Variants in POLR2I observed in about 807,000 individuals in gnomAD.
POLR2I encodes RNA polymerase II subunit I, also known as DNA-directed RNA polymerase II subunit RPB9.
In POLR2I, 15 loss-of-function variants were observed where a neutral mutation model predicts 23.0. The ratio of observed to expected loss-of-function variants is 0.65; its 90% CI spans 0.44 to 1.00. The LOEUF (loss-of-function observed/expected upper bound fraction) is 1.00. POLR2I is among the 50% of genes least tolerant of loss of function. The pLI is 0.00. For synonymous variants in POLR2I, 72 were observed against 65.4 expected, an observed-to-expected ratio of 1.10 and a Z score of -0.49; for missense variants, 120 against 173.7, an observed-to-expected ratio of 0.69 and a Z score of 1.74.
At position 36,114,121 on chromosome 19, in the gene POLR2I, C is replaced by T. The variant is rs1973896342; in HGVS notation, c.264-55G>A. 1.2e-6 allele frequency: 2 copies of T among 1,612,068 alleles called. No homozygotes were observed. The highest frequency in any genetic ancestry group is 1.7e-6 in the Non-Finnish European group (2 of 1,178,278). On this transcript the variant is annotated intron_variant, in intron 4 of 5. Transcript: ENST00000221859. The surrounding 1 kb of genome is among the most constrained non-coding windows in gnomAD (Gnocchi z 4.5). The stretch of plus-strand genomic sequence containing the variant: ...GCTTCACACCCTTCCCTCCTCCCTT[C>T]GCCCAGTGAGGAGACGAGCCTCACT...
In POLR2I at chr19:36,114,492, C is replaced by T. The variant is rs1599860754; in HGVS notation, c.115-80G>A. On this transcript the variant is annotated intron_variant, in intron 2 of 5. Coordinates refer to ENST00000221859, the MANE Select transcript of POLR2I (RefSeq NM_006233.5). This position sits in a 1 kb window ranked among gnomAD's most constrained non-coding sequence, Gnocchi z 4.5. ...TTGGGAGGAGAGGGCAGGGTGATCC[C>T]GGAGGATATGACGACAGGACTCTCT... 6 of 1,423,064 alleles carry T rather than the reference C, an allele frequency of 4.2e-6. No homozygotes were observed. The East Asian group carries it at 1.1e-4, about 27-fold the overall frequency. 88.2% of individuals were successfully genotyped at this position (1,423,064 alleles called of 1,614,324 possible).
At position 36,114,599 on chromosome 19, in the gene POLR2I, G is replaced by C. The variant is rs973592237; in HGVS notation, c.114+60C>G. The C allele has an allele frequency of 1.3e-6, 2 of 1,497,494 alleles. No individual in the cohort carries two copies. The highest frequency in any genetic ancestry group is 1.8e-6 in the Non-Finnish European group (2 of 1,084,032). 92.8% of individuals were successfully genotyped at this position (1,497,494 alleles called of 1,614,324 possible). A position where few individuals can be genotyped will look rare whatever the true frequency, so the allele number is the denominator to read the frequency against. On this transcript the variant is annotated intron_variant, in intron 2 of 5. Coordinates refer to ENST00000221859, the MANE Select transcript of POLR2I (RefSeq NM_006233.5). This position sits in a 1 kb window ranked among gnomAD's most constrained non-coding sequence, Gnocchi z 4.5. Reference sequence around the variant, plus strand: ...CAGGGAGTCCGATCACAGAGGCAGGGGGCAGGGCGGGGCCACGCTGGGAAC... The same window carrying C: ...CAGGGAGTCCGATCACAGAGGCAGGCGGCAGGGCGGGGCCACGCTGGGAAC...
rs1287224460 is a variant in POLR2I at position 36,114,076 on chromosome 19, T to C, written c.264-10A>G. The C allele has an allele frequency of 8.7e-6, 14 of 1,613,730 alleles. No homozygotes were observed. Among genetic ancestry groups the C allele is most frequent in the Non-Finnish European group, 1.7e-6 (2 of 1,179,938 alleles). On this transcript the variant is annotated splice_polypyrimidine_tract_variant and intron_variant, in intron 4 of 5. Coordinates refer to ENST00000221859, the MANE Select transcript of POLR2I (RefSeq NM_006233.5). This position sits in a 1 kb window ranked among gnomAD's most constrained non-coding sequence, Gnocchi z 4.5. ...CTCCTTGTGGCCGCACCTGAGAGGG[T>C]AGGGGCTCGGTCACCGGAGGCTTCA...
Position 36,114,544 on chromosome 19 carries a change from A to T in POLR2I, c.114+115T>A. On this transcript the variant is annotated intron_variant, in intron 2 of 5. Transcript: ENST00000221859. The surrounding 1 kb of genome is among the most constrained non-coding windows in gnomAD (Gnocchi z 4.5). ...TGGGGATGGGCAGGACATGAGAGTC[A>T]GGATCACTTGAGGTGCAGCGGAGGG... is the stretch of plus-strand genomic sequence containing the variant. 7.7e-7 allele frequency: 1 copy of T among 1,306,684 alleles called. No individual in the cohort carries two copies. Among genetic ancestry groups the T allele is most frequent in the Non-Finnish European group, 1.1e-6 (1 of 911,848 alleles). The allele number at this position is 1,306,684 out of a possible 1,614,324, so 80.9% of individuals were successfully genotyped here. A position where few individuals can be genotyped will look rare whatever the true frequency, so the allele number is the denominator to read the frequency against.
intron 5 of POLR2I, 57 bp downstream of exon 5, chr19:36,113,957 CG>C: frequency 6.3e-7 from 1 of 1,596,346 alleles, no homozygotes; most frequent in Middle Eastern, 1.7e-4. Flanking sequence ...TTGATATCCC[CG>C]CCCCCAGAAA....
At position 36,114,567 on chromosome 19, in the gene POLR2I, G is replaced by A; in HGVS notation, c.114+92C>T. 1 of 1,356,960 alleles carries A rather than the reference G, an allele frequency of 7.4e-7. No individual in the cohort carries two copies. The highest frequency in any genetic ancestry group is 2.3e-5 in the East Asian group (1 of 43,304). 84.1% of individuals were successfully genotyped at this position (1,356,960 alleles called of 1,614,324 possible). On this transcript the variant is annotated intron_variant, in intron 2 of 5. Transcript: ENST00000221859. The surrounding 1 kb of genome is among the most constrained non-coding windows in gnomAD (Gnocchi z 4.5). ...TCAGGATCACTTGAGGTGCAGCGGA[G>A]GGCGAACAGGGAGTCCGATCACAGA... is the stretch of plus-strand genomic sequence containing the variant.
chr19:36,114,187 G>C lies in POLR2I; in HGVS notation c.253C>G (p.Pro85Ala), dbSNP rs1329991356. 6.2e-7 allele frequency: 1 copy of C among 1,614,098 alleles called. No homozygotes were observed. Among genetic ancestry groups the C allele is most frequent in the Non-Finnish European group, 8.5e-7 (1 of 1,179,998 alleles). ...DPTLPRTEDHPCQKCGHKEAV... is the reference protein window; with the variant it reads ...DPTLPRTEDHACQKCGHKEAV... ...CAGCTGAACGCTCACTTTTGGCACGGGTGGTCCTCGGTCCGCGGCAACGTG... is the reference window on the plus strand; with the variant it reads ...CAGCTGAACGCTCACTTTTGGCACGCGTGGTCCTCGGTCCGCGGCAACGTG... The change falls in exon 4 of 6, where the codon CCG becomes GCG. Residue 85 changes from proline (P) to alanine (A), a missense_variant. Transcript: ENST00000221859. The surrounding 1 kb of genome is among the most constrained non-coding windows in gnomAD (Gnocchi z 4.5).
intron 5 of POLR2I, 24 bp downstream of exon 5, chr19:36,113,991 T>G: frequency 6.2e-7 from 1 of 1,612,966 alleles, no homozygotes; most frequent in Non-Finnish European, 8.5e-7. Context: ...CCCCAGATAC[T>G]TAGAAAGCCC....
rs1973903274 is a variant in POLR2I at position 36,114,423 on chromosome 19, G to C, written c.115-11C>G. Reference sequence around the variant, plus strand: ...ATCACAGTTCCGGCACTACGAGAGGGCGAGTGTGGGGGAAAGGGGGTCACG... The same window carrying C: ...ATCACAGTTCCGGCACTACGAGAGGCCGAGTGTGGGGGAAAGGGGGTCACG... On this transcript the variant is annotated splice_polypyrimidine_tract_variant and intron_variant, in intron 2 of 5. Transcript: ENST00000221859. The surrounding 1 kb of genome is among the most constrained non-coding windows in gnomAD (Gnocchi z 4.5). 6.2e-7 allele frequency: 1 copy of C among 1,612,844 alleles called. No homozygotes were observed. The highest frequency in any genetic ancestry group is 2.2e-5 in the East Asian group (1 of 44,870).
At position 36,114,476 on chromosome 19, in the gene POLR2I, G is replaced by T; in HGVS notation, c.115-64C>A. On this transcript the variant is annotated intron_variant, in intron 2 of 5. Coordinates refer to ENST00000221859, the MANE Select transcript of POLR2I (RefSeq NM_006233.5). This position sits in a 1 kb window ranked among gnomAD's most constrained non-coding sequence, Gnocchi z 4.5. ...AGGATTCCAGACAAGATTGGGAGGA[G>T]AGGGCAGGGTGATCCCGGAGGATAT... 1 of 1,493,860 alleles carries T rather than the reference G, an allele frequency of 6.7e-7. No individual in the cohort carries two copies. The highest frequency in any genetic ancestry group is 9.3e-7 in the Non-Finnish European group (1 of 1,072,164). The allele number at this position is 1,493,860 out of a possible 1,614,324, so 92.5% of individuals were successfully genotyped here. A position where few individuals can be genotyped will look rare whatever the true frequency, so the allele number is the denominator to read the frequency against.
chr19:36,113,969 G>C, intron 5 of POLR2I, 46 bp downstream of exon 5: 1 of 1,604,720 alleles, frequency 6.2e-7, no homozygotes, highest in South Asian at 1.1e-5. Context: ...CCCCCAGAAA[G>C]GACCAAACAA....
In POLR2I at chr19:36,114,235, T is replaced by C; in HGVS notation, c.205A>G (p.Ile69Val). 6.2e-7 allele frequency: 1 copy of C among 1,613,888 alleles called. No homozygotes were observed. Among genetic ancestry groups the C allele is most frequent in the Non-Finnish European group, 8.5e-7 (1 of 1,179,968 alleles). Reference protein sequence around the residue: ...THEVDELTQIIADVSQDPTLP... With the variant: ...THEVDELTQIVADVSQDPTLP... ...GTGGGGTCCTGGGACACGTCGGCGA[T>C]AATCTGGGTCAGTTCGCTGCAGGGA... is the stretch of plus-strand genomic sequence containing the variant. Residue 69 changes from isoleucine to valine, a missense_variant, in exon 4 of 6, where the codon ATC becomes GTC. By Grantham distance (29) the Ile-to-Val change is conservative. Coordinates refer to ENST00000221859, the MANE Select transcript of POLR2I (RefSeq NM_006233.5). The surrounding 1 kb of genome is among the most constrained non-coding windows in gnomAD (Gnocchi z 4.5).
In POLR2I at chr19:36,114,651, G is replaced by A. The variant is rs1161374058; in HGVS notation, c.114+8C>T. On this transcript the variant is annotated splice_region_variant and intron_variant, in intron 2 of 5. Transcript: ENST00000221859. The surrounding 1 kb of genome is among the most constrained non-coding windows in gnomAD (Gnocchi z 4.5). The stretch of plus-strand genomic sequence containing the variant: ...GGTGGACCTGCCGGGGAAGACCCCG[G>A]CGCTCACCGCGTAGAGCAGAATGCG... 6.2e-7 allele frequency: 1 copy of A among 1,604,276 alleles called. No individual in the cohort carries two copies.
chr19:36,113,957 C>T, intron 5 of POLR2I, 58 bp downstream of exon 5: 1 of 1,596,346 alleles, frequency 6.3e-7, no homozygotes, highest in Non-Finnish European at 8.6e-7. Context: ...TTGATATCCC[C>T]GCCCCCAGAA....
chr19:36,114,863 G>C lies in POLR2I; in HGVS notation c.-7C>G. ...AAGTCCCGTCGGGCTCCATGGCGAC[G>C]CGCAGCCCGCGCAGCCCTCCCAGCC... On this transcript the variant is annotated 5_prime_UTR_variant, in exon 1 of 6. Coordinates refer to ENST00000221859, the MANE Select transcript of POLR2I (RefSeq NM_006233.5). This position sits in a 1 kb window ranked among gnomAD's most constrained non-coding sequence, Gnocchi z 4.5. 6 of 1,612,392 alleles carry C rather than the reference G, an allele frequency of 3.7e-6. No homozygotes were observed. Among genetic ancestry groups the C allele is most frequent in the Non-Finnish European group, 5.1e-6 (6 of 1,179,558 alleles).
In POLR2I at chr19:36,114,210, G is replaced by A. The variant is rs773769052; in HGVS notation, c.230C>T (p.Thr77Met). ...CGGGTGGTCCTCGGTCCGCGGCAAC[G>A]TGGGGTCCTGGGACACGTCGGCGAT... is the stretch of plus-strand genomic sequence containing the variant. ...QIIADVSQDP[T>M]LPRTEDHPCQ... is the part of the protein sequence containing the mutation. The change falls in exon 4 of 6, where the codon ACG becomes ATG. Residue 77 changes from threonine (T) to methionine (M), a missense_variant. By Grantham distance (81) the Thr-to-Met change is moderately conservative. Coordinates refer to ENST00000221859, the MANE Select transcript of POLR2I (RefSeq NM_006233.5). The surrounding 1 kb of genome is among the most constrained non-coding windows in gnomAD (Gnocchi z 4.5). The A allele has an allele frequency of 6.2e-7, 1 of 1,614,042 alleles. No homozygotes were observed.
At position 36,114,164 on chromosome 19, in the gene POLR2I, G is replaced by C. The variant is rs745740675; in HGVS notation, c.263+13C>G. 113 of 1,613,882 alleles carry C rather than the reference G, an allele frequency of 7.0e-5. No individual in the cohort carries two copies. Among genetic ancestry groups the C allele is most frequent in the Non-Finnish European group, 9.3e-5 (110 of 1,179,952 alleles). Reference sequence around the variant, plus strand: ...GCCTCACTTTACCTCCCCAGTACCAGCTGAACGCTCACTTTTGGCACGGGT... The same window carrying C: ...GCCTCACTTTACCTCCCCAGTACCACCTGAACGCTCACTTTTGGCACGGGT... On this transcript the variant is annotated intron_variant, in intron 4 of 5. Coordinates refer to ENST00000221859, the MANE Select transcript of POLR2I (RefSeq NM_006233.5). This position sits in a 1 kb window ranked among gnomAD's most constrained non-coding sequence, Gnocchi z 4.5.
In POLR2I at chr19:36,114,257, G is replaced by A; in HGVS notation, c.189-6C>T. The A allele has an allele frequency of 6.2e-7, 1 of 1,614,054 alleles. No individual in the cohort carries two copies. Among genetic ancestry groups the A allele is most frequent in the Non-Finnish European group, 8.5e-7 (1 of 1,179,966 alleles). ...CGATAATCTGGGTCAGTTCGCTGCA[G>A]GGACGCGGGGGTGCAAAATTACGCT... On this transcript the variant is annotated splice_polypyrimidine_tract_variant and splice_region_variant and intron_variant, in intron 3 of 5. Coordinates refer to ENST00000221859, the MANE Select transcript of POLR2I (RefSeq NM_006233.5). This position sits in a 1 kb window ranked among gnomAD's most constrained non-coding sequence, Gnocchi z 4.5.
rs1295318804 is a variant in POLR2I at position 36,114,333 on chromosome 19, A to G, written c.188+6T>C. ...CCCCGCCCCCAGCTCAGGGCCCGCCACTCACTCCACTTCGTGCGTGATCTT... is the reference window on the plus strand; with the variant it reads ...CCCCGCCCCCAGCTCAGGGCCCGCCGCTCACTCCACTTCGTGCGTGATCTT... On this transcript the variant is annotated splice_donor_region_variant and intron_variant, in intron 3 of 5. Coordinates refer to ENST00000221859, the MANE Select transcript of POLR2I (RefSeq NM_006233.5). The surrounding 1 kb of genome is among the most constrained non-coding windows in gnomAD (Gnocchi z 4.5). The G allele has an allele frequency of 1.2e-6, 2 of 1,613,824 alleles. No homozygotes were observed. The highest frequency in any genetic ancestry group is 1.7e-6 in the Non-Finnish European group (2 of 1,179,892).
Sources: gnomAD v4.1 joint callset for allele counts on GRCh38, gnomAD v4.1.1 for gene constraint, Gnocchi (gnomAD v3.1) non-coding constraint, MANE v1.5 for transcripts, NCBI Gene and HGNC (gene_info 2026-07-23, HGNC 2026-07-21) for gene names.